CDK6: variants seen among roughly 807,000 people sequenced by gnomAD.
CDK6 encodes cyclin dependent kinase 6, also known as cyclin-dependent kinase 6.
In CDK6, 6 loss-of-function variants were observed where a neutral mutation model predicts 37.1. The ratio of observed to expected loss-of-function variants is 0.16; its 90% CI spans 0.09 to 0.32. CDK6 has a LOEUF of 0.32. Ranked by LOEUF, CDK6 falls within the 10% of genes least tolerant of loss-of-function variation. CDK6 has a pLI of 1.00. For synonymous variants in CDK6, 160 were observed against 161.3 expected (o/e 0.99, Z 0.06); for missense variants, 224 against 418.9 (o/e 0.53, Z 4.06).
chr7:92,666,019 G>GCCAAGGCATGGGCCT (rs1796948450), intron 5 of CDK6, among the ~76,000 whole-genome samples: 1 of 152,204 alleles, frequency 6.6e-6, no homozygotes, highest in Non-Finnish European at 1.5e-5. Flanking sequence ...ACCCCCAACT[G>GCCAAGGCATGGGCCT]CCAAGGCATG....
intron 3 of CDK6, 35 bp from the exon 4 acceptor site, chr7:92,725,828 T>G: frequency 6.3e-7 from 1 of 1,587,064 alleles, no homozygotes. Flanking sequence ...CAGTAAACAC[T>G]CAAAACGGAA....
intron 3 of CDK6, among the ~76,000 whole-genome samples, chr7:92,761,789 C>A (rs771425651): frequency 3.3e-5 from 5 of 152,150 alleles, no homozygotes; most frequent in Non-Finnish European, 7.4e-5. Flanking sequence ...AAAAGAAGTC[C>A]TTTCTCTTCA....
At chr7:92,616,131 G>A (rs931683650) in intron 7 of CDK6, among the ~76,000 whole-genome samples, 1 of 152,052 alleles carries the variant, frequency 6.6e-6, no homozygotes, top group African/African-American at 2.4e-5. Context: ...AGCCACACTG[G>A]CTTCTCCATC....
At chr7:92,776,116 T>C (rs1474758650) in intron 2 of CDK6, among the ~76,000 whole-genome samples, 3 of 143,692 alleles carry the variant, frequency 2.1e-5, no homozygotes, top group African/African-American at 5.0e-5. Context: ...TGTGTCCATG[T>C]GTTCTCATTG....
chr7:92,756,386 C>T (rs1045889949), intron 3 of CDK6, among the ~76,000 whole-genome samples: 1 of 152,138 alleles, frequency 6.6e-6, no homozygotes, highest in Non-Finnish European at 1.5e-5. Flanking sequence ...AATTTTGCTG[C>T]TCTGAAGTAG....
chr7:92,658,581 TTCTCTCTCTCTCTC>T (rs3839839), intron 5 of CDK6, among the ~76,000 whole-genome samples: 1 of 146,440 alleles, frequency 6.8e-6, no homozygotes, highest in African/African-American at 2.5e-5. Context: ...CTCTCTCTCT[TTCTCTCTCTCTCTC>T]TCTCTCTCTC....
At chr7:92,644,516 T>G (rs935629412) in intron 5 of CDK6, among the ~76,000 whole-genome samples, 1 of 152,202 alleles carries the variant, frequency 6.6e-6, no homozygotes, top group African/African-American at 2.4e-5. Flanking sequence ...CAATATTTCC[T>G]TTAACTACTG....
At chr7:92,744,589 C>T (rs560628013) in intron 3 of CDK6, among the ~76,000 whole-genome samples, 5 of 152,164 alleles carry the variant, frequency 3.3e-5, no homozygotes, top group Non-Finnish European at 7.3e-5. Flanking sequence ...TTTCCATTTA[C>T]ATCAGTTTAC....
chr7:92,828,087 T>C (rs1801374956), intron 2 of CDK6, among the ~76,000 whole-genome samples: 1 of 152,138 alleles, frequency 6.6e-6, no homozygotes, highest in Admixed American at 6.6e-5. Context: ...TTCAATATTA[T>C]TAATGAATTA....
chr7:92,739,893 T>C (rs1262431381), intron 3 of CDK6, among the ~76,000 whole-genome samples: 1 of 152,230 alleles, frequency 6.6e-6, no homozygotes, highest in Non-Finnish European at 1.5e-5. Context: ...TAGCTGGGAC[T>C]ATAGGCACAT....
chr7:92,672,832 T>G (rs1797121887), intron 4 of CDK6, among the ~76,000 whole-genome samples: 1 of 152,248 alleles, frequency 6.6e-6, no homozygotes, highest in Admixed American at 6.5e-5. Flanking sequence ...CTATATTACT[T>G]GGTGTGCTAA....
At chr7:92,753,524 GCT>G (rs374557761) in intron 3 of CDK6, among the ~76,000 whole-genome samples, 313 of 152,180 alleles carry the variant, frequency 2.1e-3, no homozygotes, top group African/African-American at 7.2e-3. Context: ...ACGGAGTCTT[GCT>G]CTGTCGCCCA....
intron 5 of CDK6, among the ~76,000 whole-genome samples, chr7:92,669,792 C>T (rs1432820888): frequency 1.3e-5 from 2 of 152,190 alleles, no homozygotes; most frequent in Admixed American, 6.5e-5. Flanking sequence ...TAAAGACTGC[C>T]CATCCCTGGT....
At chr7:92,756,933 A>G (rs2115704011) in intron 3 of CDK6, among the ~76,000 whole-genome samples, 1 of 152,304 alleles carries the variant, frequency 6.6e-6, no homozygotes, top group East Asian at 1.9e-4. Context: ...AGAGCTACTG[A>G]ATTTAGGAAA....
intron 3 of CDK6, among the ~76,000 whole-genome samples, chr7:92,758,841 G>T (rs1318188505): frequency 6.6e-6 from 1 of 152,110 alleles, no homozygotes; most frequent in Non-Finnish European, 1.5e-5. Context: ...TCATTGCAGA[G>T]ATTTTTCACC....
chr7:92,627,862 C>T (rs772753701), intron 5 of CDK6, among the ~76,000 whole-genome samples: 3 of 151,626 alleles, frequency 2.0e-5, no homozygotes, highest in South Asian at 2.1e-4. Context: ...GCAAACATTA[C>T]GGATTCAGGA....
chr7:92,778,675 T>C (rs1228662900), intron 2 of CDK6, among the ~76,000 whole-genome samples: 1 of 152,060 alleles, frequency 6.6e-6, no homozygotes, highest in Non-Finnish European at 1.5e-5. Context: ...CAACTTTCTT[T>C]ATATCTGTTG....
At position 92,623,053 on chromosome 7, in the gene CDK6, T is replaced by C. The variant is rs1420278490; in HGVS notation, c.681A>G (p.Gln227=). 1.3e-6 allele frequency: 2 copies of C among 1,586,500 alleles called. No homozygotes were observed. Among genetic ancestry groups the C allele is most frequent in the South Asian group, 2.2e-5 (2 of 89,178 alleles). Reference sequence around the variant, plus strand: ...TTACTTACTCCAAGATTTTTCCTAGTTGATCAACATCTGAACTTCCACGAA... The same window carrying C: ...TTACTTACTCCAAGATTTTTCCTAGCTGATCAACATCTGAACTTCCACGAA... ...PLFRGSSDVD[Q]LGKILDVIGL... is the part of the protein sequence containing the mutation. The change falls in exon 6 of 8, where the codon CAA becomes CAG. Residue 227 remains glutamine, a synonymous_variant. Transcript: ENST00000424848.
intron 5 of CDK6, among the ~76,000 whole-genome samples, chr7:92,657,703 C>A (rs1187855338): frequency 6.6e-6 from 1 of 152,048 alleles, no homozygotes; most frequent in African/African-American, 2.4e-5. Context: ...ATAAAATTAC[C>A]ATATTCACTT....
Sources: gnomAD v4.1 joint callset for allele counts (sites outside exome capture counted in the v4.1 genomes callset) on GRCh38, gnomAD v4.1.1 for gene constraint, MANE v1.5 for transcripts, NCBI Gene and HGNC (gene_info 2026-07-23, HGNC 2026-07-21) for gene names.